The following STK10 variants were observed in gnomAD, a reference collection of about 807,000 sequenced individuals.
STK10 encodes serine/threonine kinase 10, also known as serine/threonine-protein kinase 10.
Under a neutral mutation model 113.8 loss-of-function variants are expected in STK10, and 78 were observed. The ratio of observed to expected loss-of-function variants is 0.69; its 90% CI spans 0.57 to 0.83. The LOEUF (loss-of-function observed/expected upper bound fraction) is 0.83, where lower values mean the gene tolerates loss of function less well. STK10 is among the 40% of genes least tolerant of loss of function. STK10 has a pLI of 0.00. For missense variants in STK10, 1,109 were observed against 1,280.1 expected (o/e 0.87, Z 2.04); for synonymous variants, 465 against 494.7 (o/e 0.94, Z 0.80).
At chr5:172,136,406 C>A (rs1443889906) in intron 2 of STK10, among the ~76,000 whole-genome samples, 1 of 152,062 alleles carries the variant, frequency 6.6e-6, no homozygotes, top group East Asian at 1.9e-4. Context: ...GACCAGCCTG[C>A]CCAACATGGT....
Position 172,096,421 on chromosome 5 carries a change from CT to C in STK10, c.1005+4del. The C allele has an allele frequency of 1.2e-6, 2 of 1,611,470 alleles. No homozygotes were observed. The highest frequency in any genetic ancestry group is 1.7e-6 in the Non-Finnish European group (2 of 1,179,936). On this transcript the variant is annotated splice_donor_region_variant and intron_variant, in intron 8 of 18. Transcript: ENST00000176763. The stretch of plus-strand genomic sequence containing the variant: ...CCCGCTAAGCCCCACTCTCCCTGGC[CT>C]TACGGAGGCGGCATCCACGGCGTCC...
intron 1 of STK10, among the ~76,000 whole-genome samples, chr5:172,166,095 T>G (rs1196762780): frequency 6.6e-6 from 1 of 152,082 alleles, no homozygotes; most frequent in Non-Finnish European, 1.5e-5. Context: ...GCTCGGCCAG[T>G]TGTTTGCATT....
chr5:172,142,698 G>A (rs748921721), intron 2 of STK10, among the ~76,000 whole-genome samples: 18 of 152,218 alleles, frequency 1.2e-4, no homozygotes, highest in Non-Finnish European at 1.9e-4. Context: ...CTGGTACATA[G>A]TAAGTCAATG....
chr5:172,123,827 T>C (rs568796336), intron 3 of STK10, among the ~76,000 whole-genome samples: 1 of 152,208 alleles, frequency 6.6e-6, no homozygotes, highest in South Asian at 2.1e-4. Flanking sequence ...CACCATCTTG[T>C]TGTCAAGATG....
chr5:172,056,786 A>G (rs2113694035), intron 15 of STK10, among the ~76,000 whole-genome samples: 1 of 151,682 alleles, frequency 6.6e-6, no homozygotes, highest in South Asian at 2.1e-4. Flanking sequence ...AGGCAGGAGA[A>G]TCACTTGAAC....
chr5:172,087,804 AT>A (rs1323412801), intron 10 of STK10, among the ~76,000 whole-genome samples: 2 of 116,320 alleles, frequency 1.7e-5, no homozygotes, highest in Non-Finnish European at 3.5e-5. Context: ...AATTTTTTGT[AT>A]TTTTAGTAGA....
chr5:172,060,997 C>G, intron 14 of STK10, 142 bp downstream of exon 14: 2 of 1,325,886 alleles, frequency 1.5e-6, no homozygotes, highest in South Asian at 3.2e-5. Flanking sequence ...GGGCTTTTCC[C>G]CAGGTTTCCC....
At chr5:172,071,212 C>CAAAAAAAAAAAAA (rs369407918) in intron 12 of STK10, among the ~76,000 whole-genome samples, 12 of 26,596 alleles carry the variant, frequency 4.5e-4, no homozygotes, top group African/African-American at 1.1e-3. Context: ...CTCTCTATCT[C>CAAAAAAAAAAAAA]AAAAAAAAAA....
chr5:172,090,070 T>C (rs937470554), intron 10 of STK10, among the ~76,000 whole-genome samples, 162 bp downstream of exon 10: 1 of 152,038 alleles, frequency 6.6e-6, no homozygotes, highest in East Asian at 1.9e-4. Flanking sequence ...GTTGGGTAGA[T>C]GGGGGAGTGC....
In STK10 at chr5:172,043,187, T is replaced by A. The variant is rs1767416636; in HGVS notation, c.*1695A>T. On this transcript the variant is annotated 3_prime_UTR_variant, in exon 19 of 19. Coordinates refer to ENST00000176763, the MANE Select transcript of STK10 (RefSeq NM_005990.4). ...TTGGCTTACTGCAACCTCTGCCTCC[T>A]GGGTTCAAGCGATTCTCCTGCCTCA... 1 of 151,486 alleles carries A rather than the reference T, an allele frequency of 6.6e-6. No individual in the cohort carries two copies. The highest frequency in any genetic ancestry group is 1.5e-5 in the Non-Finnish European group (1 of 68,036). The allele number at this position is 151,486 out of a possible 1,614,324, so 9.4% of individuals were successfully genotyped here.
chr5:172,082,261 C>A lies in STK10; in HGVS notation c.1989+65G>T. ...GCCAAGGTGAGGTTGAGGCCACGAT[C>A]ACTTGCAACCAAGAAGGCCCCTAAT... On this transcript the variant is annotated intron_variant, in intron 12 of 18. Coordinates refer to ENST00000176763, the MANE Select transcript of STK10 (RefSeq NM_005990.4). The surrounding 1 kb of genome is among the most constrained non-coding windows in gnomAD (Gnocchi z 4.3). 7.0e-7 allele frequency: 1 copy of A among 1,432,320 alleles called. No individual in the cohort carries two copies. Among genetic ancestry groups the A allele is most frequent in the South Asian group, 1.6e-5 (1 of 63,636 alleles). 88.7% of individuals were successfully genotyped at this position (1,432,320 alleles called of 1,614,324 possible).
At chr5:172,056,546 G>C (rs1767764204) in intron 15 of STK10, among the ~76,000 whole-genome samples, 1 of 152,050 alleles carries the variant, frequency 6.6e-6, no homozygotes, top group African/African-American at 2.4e-5. Flanking sequence ...AGGACAAAAA[G>C]AGGGAAAAGA....
intron 10 of STK10, among the ~76,000 whole-genome samples, chr5:172,089,832 C>T (rs1005754157): frequency 4.0e-5 from 6 of 150,162 alleles, no homozygotes; most frequent in Middle Eastern, 3.5e-3. Flanking sequence ...TGGATTGATG[C>T]GTGGATAAAT....
At chr5:172,068,884 C>CAAAAAAA (rs57550509) in intron 12 of STK10, among the ~76,000 whole-genome samples, 3 of 126,446 alleles carry the variant, frequency 2.4e-5, no homozygotes, top group African/African-American at 9.7e-5. Flanking sequence ...GACTCTGCCT[C>CAAAAAAA]AAAAAAAAAA....
chr5:172,071,034 C>G (rs1006896292), intron 12 of STK10, among the ~76,000 whole-genome samples: 1 of 151,102 alleles, frequency 6.6e-6, no homozygotes, highest in Non-Finnish European at 1.5e-5. Flanking sequence ...ATGGTGAGAG[C>G]CCATGTCTAC....
At chr5:172,061,916 T>C (rs1581135744) in intron 13 of STK10, among the ~76,000 whole-genome samples, 2 of 152,228 alleles carry the variant, frequency 1.3e-5, no homozygotes, top group African/African-American at 4.8e-5. Context: ...GAGGTGATAT[T>C]ACTGAGATTA....
chr5:172,056,995 G>GAAAGAAAGAAAGAGAGAGAA (rs1157626941), intron 15 of STK10: 2 of 69,664 alleles, frequency 2.9e-5, no homozygotes, highest in African/African-American at 1.2e-4. Flanking sequence ...AAGAAAGAAA[G>GAAAGAAAGAAAGAGAGAGAA]AGAAAGAAGG....
chr5:172,165,058 C>T (rs566206261), intron 1 of STK10, among the ~76,000 whole-genome samples: 10 of 152,208 alleles, frequency 6.6e-5, no homozygotes, highest in African/African-American at 1.9e-4. Context: ...CCCTCCCAGC[C>T]GGGGACACTG....
intron 8 of STK10, among the ~76,000 whole-genome samples, chr5:172,094,250 C>A (rs1348062031): frequency 2.6e-5 from 4 of 152,332 alleles, no homozygotes; most frequent in East Asian, 1.9e-4. Context: ...CAGCTCATGG[C>A]CCACAGGGAG....
Sources: gnomAD v4.1 joint callset for allele counts (sites outside exome capture counted in the v4.1 genomes callset) on GRCh38, gnomAD v4.1.1 for gene constraint, Gnocchi (gnomAD v3.1) non-coding constraint, MANE v1.5 for transcripts, NCBI Gene and HGNC (gene_info 2026-07-23, HGNC 2026-07-21) for gene names.